The following CDKAL1 variants were observed in gnomAD, a reference collection of about 807,000 sequenced individuals.
CDKAL1 encodes CDKAL1 threonylcarbamoyladenosine tRNA methylthiotransferase.
Under a neutral mutation model 68.2 loss-of-function variants are expected in CDKAL1, and 32 were observed. The observed-to-expected ratio is 0.47, with a 90% CI of 0.35 to 0.63. CDKAL1 has a LOEUF of 0.63. Among genes scored for constraint, CDKAL1 ranks in the 30% least tolerant of loss-of-function variants. The pLI, the probability that CDKAL1 is intolerant of heterozygous loss-of-function variation, is 0.00. For synonymous variants in CDKAL1, 234 were observed against 244.3 expected (o/e 0.96, Z 0.39); for missense variants, 606 against 696.7 (o/e 0.87, Z 1.47).
At chr6:21,172,174 C>G (rs924186988) in intron 13 of CDKAL1, among the ~76,000 whole-genome samples, 6 of 152,134 alleles carry the variant, frequency 3.9e-5, no homozygotes, top group Non-Finnish European at 8.8e-5. Flanking sequence ...TCCTTGAACC[C>G]TCACAATCGG....
At chr6:20,595,304 C>T (rs1245545171) in intron 4 of CDKAL1, among the ~76,000 whole-genome samples, 6 of 152,164 alleles carry the variant, frequency 3.9e-5, no homozygotes, top group African/African-American at 7.2e-5. Flanking sequence ...CTTTCAGGTA[C>T]ACCAATCAAA....
At chr6:21,192,395 A>C (rs527716793) in intron 13 of CDKAL1, among the ~76,000 whole-genome samples, 1 of 152,330 alleles carries the variant, frequency 6.6e-6, no homozygotes, top group African/African-American at 2.4e-5. Context: ...CCTAGGAAAA[A>C]ATTACTTTCT....
intron 5 of CDKAL1, among the ~76,000 whole-genome samples, chr6:20,679,544 T>G (rs566738939): frequency 6.6e-6 from 1 of 152,240 alleles, no homozygotes; most frequent in South Asian, 2.1e-4. Flanking sequence ...CAGACCTCTC[T>G]TGGTTGCATG....
At chr6:21,167,724 G>C (rs1002129996) in intron 13 of CDKAL1, among the ~76,000 whole-genome samples, 4 of 152,220 alleles carry the variant, frequency 2.6e-5, no homozygotes, top group Non-Finnish European at 5.9e-5. Context: ...CCATGTGACA[G>C]TACCTTGTCT....
intron 4 of CDKAL1, among the ~76,000 whole-genome samples, chr6:20,632,710 A>T (rs73388640): frequency 6.6e-5 from 10 of 152,088 alleles, no homozygotes; most frequent in Non-Finnish European, 1.0e-4. Context: ...TTCTTTTATT[A>T]TTCATTCTCC....
intron 9 of CDKAL1, among the ~76,000 whole-genome samples, chr6:20,866,558 C>T (rs1484509867): frequency 1.3e-5 from 2 of 152,166 alleles, no homozygotes; most frequent in African/African-American, 4.8e-5. Context: ...TTTATCTTTT[C>T]TAACTCCTCA....
intron 11 of CDKAL1, among the ~76,000 whole-genome samples, chr6:21,003,450 C>A (rs1767564045): frequency 6.7e-6 from 1 of 148,536 alleles, no homozygotes; most frequent in Admixed American, 6.7e-5. Context: ...CCTGTAATCC[C>A]AGCTACTGGG....
At chr6:20,673,379 T>A (rs1225621556) in intron 5 of CDKAL1, among the ~76,000 whole-genome samples, 1 of 152,240 alleles carries the variant, frequency 6.6e-6, no homozygotes, top group Non-Finnish European at 1.5e-5. Flanking sequence ...TTAAATCATC[T>A]CTGGATTACT....
At chr6:20,711,845 G>C (rs1771861981) in intron 5 of CDKAL1, among the ~76,000 whole-genome samples, 1 of 152,196 alleles carries the variant, frequency 6.6e-6, no homozygotes, top group Non-Finnish European at 1.5e-5. Flanking sequence ...CCAGTAAAGA[G>C]AGGAATTCCT....
chr6:20,610,653 T>C (rs1766579177), intron 4 of CDKAL1, among the ~76,000 whole-genome samples: 1 of 152,168 alleles, frequency 6.6e-6, no homozygotes, highest in Non-Finnish European at 1.5e-5. Context: ...TCCTTTTCTC[T>C]TATTTTCCTT....
chr6:20,968,572 G>A (rs1473284486), intron 10 of CDKAL1, among the ~76,000 whole-genome samples: 1 of 152,066 alleles, frequency 6.6e-6, no homozygotes, highest in Non-Finnish European at 1.5e-5. Context: ...TGGTGTGCTT[G>A]ATGGTATCTA....
At chr6:20,719,395 A>G (rs1285503614) in intron 5 of CDKAL1, among the ~76,000 whole-genome samples, 3 of 152,164 alleles carry the variant, frequency 2.0e-5, no homozygotes, top group Non-Finnish European at 4.4e-5. Flanking sequence ...TGGTCAGAGG[A>G]CCAAATACAG....
intron 8 of CDKAL1, among the ~76,000 whole-genome samples, chr6:20,817,587 C>T (rs1481321813): frequency 1.3e-5 from 2 of 152,116 alleles, no homozygotes; most frequent in African/African-American, 4.8e-5. Context: ...CCCTGGCAGA[C>T]TGTTCACAAC....
chr6:20,972,748 G>A (rs921399891), intron 10 of CDKAL1, among the ~76,000 whole-genome samples: 8 of 152,152 alleles, frequency 5.3e-5, no homozygotes, highest in East Asian at 3.9e-4. Context: ...CTCAGAGACC[G>A]TGAAAGGAGA....
intron 11 of CDKAL1, among the ~76,000 whole-genome samples, chr6:21,023,042 C>T (rs1768764196): frequency 6.6e-6 from 1 of 151,504 alleles, no homozygotes; most frequent in Non-Finnish European, 1.5e-5. Context: ...AAGTTGAAGG[C>T]ATGAGGATAA....
At chr6:20,981,704 G>C (rs901626610) in intron 10 of CDKAL1, among the ~76,000 whole-genome samples, 2 of 152,196 alleles carry the variant, frequency 1.3e-5, no homozygotes, top group Non-Finnish European at 2.9e-5. Context: ...AGCTGGGCGT[G>C]GTGGCAGGTG....
intron 8 of CDKAL1, among the ~76,000 whole-genome samples, chr6:20,801,114 G>A (rs1300894588): frequency 3.3e-5 from 5 of 151,946 alleles, no homozygotes; most frequent in African/African-American, 9.7e-5. Context: ...TGTCAAGACA[G>A]GGCCTTATTA....
chr6:20,630,079 T>C (rs979150051), intron 4 of CDKAL1, among the ~76,000 whole-genome samples: 1 of 152,004 alleles, frequency 6.6e-6, no homozygotes, highest in Non-Finnish European at 1.5e-5. Context: ...ATGTTGGCCA[T>C]GCTGGTCTCA....
intron 13 of CDKAL1, among the ~76,000 whole-genome samples, chr6:21,119,128 T>G (rs1562046630): frequency 6.6e-6 from 1 of 152,166 alleles, no homozygotes; most frequent in Non-Finnish European, 1.5e-5. Context: ...CCTCCTCTGC[T>G]CCTTTCCTCC....
Sources: gnomAD v4.1 joint callset for allele counts (sites outside exome capture counted in the v4.1 genomes callset) on GRCh38, gnomAD v4.1.1 for gene constraint, MANE v1.5 for transcripts, NCBI Gene and HGNC (gene_info 2026-07-23, HGNC 2026-07-21) for gene names.